GRIN2B: variants seen among roughly 807,000 people sequenced by gnomAD.
The protein encoded by GRIN2B is glutamate ionotropic receptor NMDA type subunit 2B, also known as glutamate receptor ionotropic, NMDA 2B.
In GRIN2B, 5 loss-of-function variants were observed where a neutral mutation model predicts 114.5. That is an observed-to-expected ratio of 0.04 (90% CI 0.02 to 0.09). The LOEUF is 0.09. GRIN2B is among the 10% of genes least tolerant of loss of function. GRIN2B has a pLI of 1.00. For synonymous variants in GRIN2B, 787 were observed against 745.1 expected, an observed-to-expected ratio of 1.06 and a Z score of -0.92; for missense variants, 1,108 against 1,943.5, an observed-to-expected ratio of 0.57 and a Z score of 8.08.
chr12:13,910,538 T>C (rs1315567701), intron 2 of GRIN2B, among the ~76,000 whole-genome samples: 1 of 152,176 alleles, frequency 6.6e-6, no homozygotes, highest in Non-Finnish European at 1.5e-5. Flanking sequence ...CTTCCTCTCT[T>C]TGCCACTGCT....
At chr12:13,903,170 T>A (rs1328977106) in intron 2 of GRIN2B, among the ~76,000 whole-genome samples, 1 of 152,146 alleles carries the variant, frequency 6.6e-6, no homozygotes, top group African/African-American at 2.4e-5. Context: ...TGTAAATGTA[T>A]AAGTTTAAAA....
chr12:13,778,330 G>A (rs1198815169), intron 3 of GRIN2B, among the ~76,000 whole-genome samples: 2 of 152,130 alleles, frequency 1.3e-5, no homozygotes, highest in Non-Finnish European at 1.5e-5. Context: ...CTCTCTGAAA[G>A]GTATTCTGGA....
chr12:13,551,118 C>G lies in GRIN2B; in HGVS notation c.*11665G>C, dbSNP rs939086294. On this transcript the variant is annotated 3_prime_UTR_variant, in exon 14 of 14. Coordinates refer to ENST00000609686, the MANE Select transcript of GRIN2B (RefSeq NM_000834.5). ...ATGTGAAACCTTGATATTTTTCTTG[C>G]TCCTGACCCTGGGAGAGAGAGAACA... 3 of 152,042 alleles carry G rather than the reference C, an allele frequency of 2.0e-5. No individual in the cohort carries two copies. Among genetic ancestry groups the G allele is most frequent in the African/African-American group, 7.2e-5 (3 of 41,404 alleles). 9.4% of individuals were successfully genotyped at this position (152,042 alleles called of 1,614,324 possible).
At chr12:13,879,607 A>G (rs1258748158) in intron 2 of GRIN2B, among the ~76,000 whole-genome samples, 1 of 152,094 alleles carries the variant, frequency 6.6e-6, no homozygotes, top group Non-Finnish European at 1.5e-5. Flanking sequence ...CACATTTCAT[A>G]GTGTTTTTGA....
At position 13,553,695 on chromosome 12, in the gene GRIN2B, A is replaced by G. The variant is rs1948445138; in HGVS notation, c.*9088T>C. On this transcript the variant is annotated 3_prime_UTR_variant, in exon 14 of 14. Transcript: ENST00000609686. ...TGTTAAAAAAGAAGCTAAATATTGG[A>G]TCACAGATCAGTCCCAGCATGGATC... The G allele has an allele frequency of 6.6e-6, 1 of 152,220 alleles. No individual in the cohort carries two copies. The highest frequency in any genetic ancestry group is 1.5e-5 in the Non-Finnish European group (1 of 68,038). The allele number at this position is 152,220 out of a possible 1,614,324, so 9.4% of individuals were successfully genotyped here.
Position 13,556,337 on chromosome 12 carries a change from A to C in GRIN2B, c.*6446T>G, listed in dbSNP as rs1458798853. On this transcript the variant is annotated 3_prime_UTR_variant, in exon 14 of 14. Transcript: ENST00000609686. ...TGTATGCATACCTATTTATACATAC[A>C]TTTACATATTTTATACTTATGCTTT... The C allele has an allele frequency of 3.3e-5, 5 of 152,188 alleles. No homozygotes were observed. The highest frequency in any genetic ancestry group is 9.7e-5 in the African/African-American group (4 of 41,430). The allele number at this position is 152,188 out of a possible 1,614,324, so 9.4% of individuals were successfully genotyped here. A position where few individuals can be genotyped will look rare whatever the true frequency, so the allele number is the denominator to read the frequency against.
At chr12:13,910,644 C>A (rs1273933103) in intron 2 of GRIN2B, among the ~76,000 whole-genome samples, 1 of 152,178 alleles carries the variant, frequency 6.6e-6, no homozygotes, top group Non-Finnish European at 1.5e-5. Context: ...AACACTGCCG[C>A]ACACCATTTC....
At chr12:13,737,577 C>A (rs1863208591) in intron 4 of GRIN2B, among the ~76,000 whole-genome samples, 1 of 152,180 alleles carries the variant, frequency 6.6e-6, no homozygotes, top group Admixed American at 6.5e-5. Flanking sequence ...AGATTGATTT[C>A]TTCCTGCTCA....
intron 2 of GRIN2B, among the ~76,000 whole-genome samples, chr12:13,873,657 G>T (rs1865948031): frequency 6.6e-6 from 1 of 152,118 alleles, no homozygotes. Context: ...AATCCTGAGA[G>T]TCTGGGGCAT....
At chr12:13,711,207 T>C (rs4491338) in intron 4 of GRIN2B, among the ~76,000 whole-genome samples, 102,860 of 150,186 alleles carry the variant, frequency 0.68, 35,478 homozygotes, top group Middle Eastern at 0.78. Flanking sequence ...CCCTTCCTTA[T>C]ACCTTATACA....
At chr12:13,872,470 A>AG (rs1865927329) in intron 2 of GRIN2B, among the ~76,000 whole-genome samples, 1 of 151,766 alleles carries the variant, frequency 6.6e-6, no homozygotes, top group Non-Finnish European at 1.5e-5. Flanking sequence ...AAAAAAAAAA[A>AG]TAGTGCTAAC....
intron 10 of GRIN2B, among the ~76,000 whole-genome samples, chr12:13,576,518 G>A (rs996040511): frequency 1.3e-5 from 2 of 151,868 alleles, no homozygotes; most frequent in African/African-American, 4.8e-5. Context: ...GTAGGGAAAT[G>A]TGTATAGTAC....
intron 3 of GRIN2B, among the ~76,000 whole-genome samples, chr12:13,807,864 T>G (rs1369923332): frequency 6.6e-6 from 1 of 151,970 alleles, no homozygotes; most frequent in Non-Finnish European, 1.5e-5. Context: ...ATCAGGAACC[T>G]TAACCAACCC....
chr12:13,640,860 G>A (rs1165086471), intron 5 of GRIN2B, among the ~76,000 whole-genome samples: 1 of 151,692 alleles, frequency 6.6e-6, no homozygotes, highest in Non-Finnish European at 1.5e-5. Context: ...AAGATAATGA[G>A]GTTTAAAAAA....
rs1948428773 is a variant in GRIN2B at position 13,552,713 on chromosome 12, C to A, written c.*10070G>T. 1 of 151,890 alleles carries A rather than the reference C, an allele frequency of 6.6e-6. No homozygotes were observed. The highest frequency in any genetic ancestry group is 1.5e-5 in the Non-Finnish European group (1 of 67,972). The allele number at this position is 151,890 out of a possible 1,614,324, so 9.4% of individuals were successfully genotyped here. A position where few individuals can be genotyped will look rare whatever the true frequency, so the allele number is the denominator to read the frequency against. On this transcript the variant is annotated 3_prime_UTR_variant, in exon 14 of 14. Transcript: ENST00000609686. ...AATGGGTTTTGCTCTAAAATATTAA[C>A]TATTCTCATTTTCAGGAGCAAGGCT... is the stretch of plus-strand genomic sequence containing the variant.
At chr12:13,857,372 TACACACAC>T (rs142914230) in intron 3 of GRIN2B, among the ~76,000 whole-genome samples, 3 of 147,672 alleles carry the variant, frequency 2.0e-5, no homozygotes, top group East Asian at 2.0e-4. Context: ...CACGCGTGCA[TACACACAC>T]ACACACACAC....
chr12:13,911,980 C>T (rs1269280791), intron 2 of GRIN2B, among the ~76,000 whole-genome samples: 3 of 152,286 alleles, frequency 2.0e-5, no homozygotes, highest in African/African-American at 7.2e-5. Flanking sequence ...CAGCCACACT[C>T]GGGGCCAGGG....
intron 5 of GRIN2B, among the ~76,000 whole-genome samples, chr12:13,623,204 T>C (rs1426879999): frequency 6.6e-6 from 1 of 152,242 alleles, no homozygotes; most frequent in East Asian, 1.9e-4. Context: ...TAGCCTATAA[T>C]AATGAATGTG....
chr12:13,875,329 C>A (rs1344717687), intron 2 of GRIN2B, among the ~76,000 whole-genome samples: 1 of 152,134 alleles, frequency 6.6e-6, no homozygotes, highest in Non-Finnish European at 1.5e-5. Flanking sequence ...GAGATCGAGA[C>A]CATCCTGGCT....
Sources: allele counts gnomAD v4.1 joint callset (sites outside exome capture counted in the v4.1 genomes callset), GRCh38; gene constraint gnomAD v4.1.1; transcripts MANE v1.5; gene names NCBI Gene and HGNC (gene_info 2026-07-23, HGNC 2026-07-21).